The following GAREM1 variants were observed in gnomAD, a reference collection of about 807,000 sequenced individuals.
GAREM1 encodes GRB2 associated regulator of MAPK1 subtype 1.
GAREM1 carries 26 observed loss-of-function variants against 71.3 expected under a neutral mutation model. The ratio of observed to expected loss-of-function variants is 0.36; its 90% CI spans 0.27 to 0.51. The LOEUF (loss-of-function observed/expected upper bound fraction) is 0.51. Among genes scored for constraint, GAREM1 ranks in the 20% least tolerant of loss-of-function variants. The probability of loss-of-function intolerance (pLI) is 0.95; values close to 1 mark genes in which losing one functional copy is unlikely to be tolerated. For missense variants in GAREM1, 1,026 were observed against 1,103.1 expected, an observed-to-expected ratio of 0.93 and a Z score of 0.99; for synonymous variants, 440 against 433.2, an observed-to-expected ratio of 1.02 and a Z score of -0.20.
intron 2 of GAREM1, among the ~76,000 whole-genome samples, chr18:32,374,034 C>G (rs951272821): frequency 6.6e-6 from 1 of 152,206 alleles, no homozygotes; most frequent in Non-Finnish European, 1.5e-5. Flanking sequence ...CTTTCATAAA[C>G]TGAGACATGA....
At chr18:32,455,351 T>C (rs766767216) in intron 1 of GAREM1, among the ~76,000 whole-genome samples, 163 of 152,246 alleles carry the variant, frequency 1.1e-3, no homozygotes, top group Non-Finnish European at 1.9e-3. Context: ...ATGTAGGTCA[T>C]TATGGGATTT....
At chr18:32,353,461 C>A (rs2047773220) in intron 2 of GAREM1, among the ~76,000 whole-genome samples, 1 of 152,174 alleles carries the variant, frequency 6.6e-6, no homozygotes, top group African/African-American at 2.4e-5. Context: ...CTTAGCCCAA[C>A]TATAAGGGTT....
chr18:32,452,297 C>T (rs947249059), intron 1 of GAREM1, among the ~76,000 whole-genome samples: 1 of 152,074 alleles, frequency 6.6e-6, no homozygotes, highest in Non-Finnish European at 1.5e-5. Context: ...ATTTGTGTCC[C>T]GGAAAGGGAA....
At chr18:32,302,184 A>G (rs1359845013) in intron 3 of GAREM1, among the ~76,000 whole-genome samples, 1 of 152,202 alleles carries the variant, frequency 6.6e-6, no homozygotes. Context: ...CCTGGTTTCT[A>G]TGCTGGGCTT....
In GAREM1 at chr18:32,377,013, T is replaced by C. The variant is rs539142118; in HGVS notation, c.262+15882A>G. ...ATTTATTTAATCCTCATGACAGATA[T>C]CTATGAGATAAGTATTATTATCCTA... On this transcript the variant is annotated intron_variant, in intron 2 of 5. Transcript: ENST00000269209. Among the ~76,000 whole-genome samples the C allele has an allele frequency of 1.3e-3, 194 of 152,298 alleles. 1 individual carries two copies. Among genetic ancestry groups the C allele is most frequent in the African/African-American group, 4.5e-3 (185 of 41,550 alleles).
chr18:32,275,788 C>T (rs1397629239), intron 4 of GAREM1, among the ~76,000 whole-genome samples: 1 of 152,208 alleles, frequency 6.6e-6, no homozygotes, highest in East Asian at 1.9e-4. Context: ...AAGCAATTCT[C>T]CTGCCTCAGC....
intron 1 of GAREM1, among the ~76,000 whole-genome samples, chr18:32,465,225 A>G (rs1226369296): frequency 6.6e-6 from 1 of 152,204 alleles, no homozygotes; most frequent in East Asian, 1.9e-4. Flanking sequence ...CAAGAGCAAA[A>G]CTAAGTTACT....
chr18:32,432,414 A>C (rs2048632813), intron 1 of GAREM1, among the ~76,000 whole-genome samples: 1 of 152,126 alleles, frequency 6.6e-6, no homozygotes, highest in Admixed American at 6.5e-5. Context: ...AGCACAAATA[A>C]AAGAAAAATG....
rs568943606 is a variant in GAREM1, at chr18:32,453,216, T to C, written c.121+17092A>G. The stretch of plus-strand genomic sequence containing the variant: ...ATCAGATCTGGTGAGACTTATTCAC[T>C]ACCATGAGAACAGTACAGGGGAAAC... On this transcript the variant is annotated intron_variant, in intron 1 of 5. Transcript: ENST00000269209. Among the ~76,000 whole-genome samples the C allele has an allele frequency of 7.2e-5, 11 of 152,182 alleles. No homozygotes were observed. In the South Asian group the frequency reaches 2.3e-3, roughly 32 times the overall value.
intron 2 of GAREM1, among the ~76,000 whole-genome samples, chr18:32,364,770 A>C (rs56945883): frequency 0.11 from 17,490 of 152,144 alleles, 1,881 homozygotes; most frequent in African/African-American, 0.28. Flanking sequence ...GTTAACACAG[A>C]AGCAGAAAAA....
intron 1 of GAREM1, among the ~76,000 whole-genome samples, chr18:32,417,391 T>C (rs1352774332): frequency 6.6e-6 from 1 of 151,968 alleles, no homozygotes; most frequent in Non-Finnish European, 1.5e-5. Flanking sequence ...GGAAAGGAAA[T>C]CAGTATAACA....
At chr18:32,330,271 TG>T (rs1380959760) in intron 2 of GAREM1, among the ~76,000 whole-genome samples, 1 of 152,236 alleles carries the variant, frequency 6.6e-6, no homozygotes, top group Non-Finnish European at 1.5e-5. Context: ...AACCAAATGC[TG>T]TATGTTCTCA....
chr18:32,294,047 T>A (rs369210688), intron 3 of GAREM1, among the ~76,000 whole-genome samples: 5 of 152,124 alleles, frequency 3.3e-5, no homozygotes, highest in South Asian at 2.1e-4. Context: ...CAGATTAACA[T>A]GAAATAAAGA....
At chr18:32,398,695 AG>A (rs2048282052) in intron 1 of GAREM1, among the ~76,000 whole-genome samples, 1 of 152,160 alleles carries the variant, frequency 6.6e-6, no homozygotes, top group South Asian at 2.1e-4. Context: ...AACCAAAAAA[AG>A]TCCAGGACCA....
intron 2 of GAREM1, among the ~76,000 whole-genome samples, chr18:32,388,148 A>G (rs755553951): frequency 2.0e-5 from 3 of 152,222 alleles, no homozygotes; most frequent in Non-Finnish European, 4.4e-5. Context: ...CCAAATGGAG[A>G]AACATAGGAC....
rs1402709693 is a variant in GAREM1, at chr18:32,393,035, C to T, written c.122G>A (p.Gly41Glu). Residue 41 changes from glycine to glutamate, a missense_variant and splice_region_variant, in exon 2 of 6, where the codon GGA (glycine) becomes GAA (glutamate). Gly to Glu is a moderately conservative substitution (Grantham distance 98). This residue lies in a region of GAREM1 where 172 missense variants were observed against 175.2 expected (regional missense o/e 0.98). Transcript: ENST00000269209. Reference protein sequence around the residue: ...RLPQIARLDNGECVEGLREND... With the variant: ...RLPQIARLDNEECVEGLREND... ...TTCCCGCAGCCCTTCTACGCACTCT[C>T]CTAGGAAATACAATTTTATATGAGA... 6.2e-7 allele frequency: 1 copy of T among 1,611,220 alleles called. No individual in the cohort carries two copies. Among genetic ancestry groups the T allele is most frequent in the East Asian group, 2.2e-5 (1 of 44,814 alleles).
chr18:32,310,335 G>A lies in GAREM1; in HGVS notation c.263-12C>T, dbSNP rs749495139. 1.9e-6 allele frequency: 3 copies of A among 1,613,554 alleles called. No individual in the cohort carries two copies. Among genetic ancestry groups the A allele is most frequent in the African/African-American group, 2.7e-5 (2 of 74,936 alleles). ...CAGCTTGAATTGCCCTAAAACACAG[G>A]ATAAACAGAAGAGATCTAAGATGTT... On this transcript the variant is annotated splice_polypyrimidine_tract_variant and intron_variant, in intron 2 of 5. Coordinates refer to ENST00000269209, the MANE Select transcript of GAREM1 (RefSeq NM_001242409.2).
intron 2 of GAREM1, among the ~76,000 whole-genome samples, chr18:32,326,209 G>A (rs2047473905): frequency 6.6e-6 from 1 of 152,196 alleles, no homozygotes; most frequent in South Asian, 2.1e-4. Context: ...CCACCGGGTT[G>A]GAGACTTCGG....
At chr18:32,403,765 A>G (rs577674542) in intron 1 of GAREM1, among the ~76,000 whole-genome samples, 86 of 152,208 alleles carry the variant, frequency 5.7e-4, no homozygotes, top group African/African-American at 1.9e-3. Context: ...ACTCATTTAA[A>G]CTGCAGTGAT....
Sources: gnomAD v4.1 joint callset for allele counts (sites outside exome capture counted in the v4.1 genomes callset) on GRCh38, gnomAD v4.1.1 for gene constraint, gnomAD v4.1.1 regional missense constraint, MANE v1.5 for transcripts, NCBI Gene and HGNC (gene_info 2026-07-23, HGNC 2026-07-21) for gene names.